SLC22A23: variants seen among roughly 807,000 people sequenced by gnomAD.
SLC22A23 encodes the protein solute carrier family 22 member 23, also known as ion transporter protein.
In SLC22A23, 26 loss-of-function variants were observed where a neutral mutation model predicts 61.0. The ratio of observed to expected loss-of-function variants is 0.43; its 90% CI spans 0.31 to 0.59. SLC22A23 has a LOEUF of 0.59. Among genes scored for constraint, SLC22A23 ranks in the 20% least tolerant of loss-of-function variants. The pLI, the probability that SLC22A23 is intolerant of heterozygous loss-of-function variation, is 0.11. For missense variants in SLC22A23, 796 were observed against 934.7 expected, an observed-to-expected ratio of 0.85 and a Z score of 1.94; for synonymous variants, 430 against 413.9, an observed-to-expected ratio of 1.04 and a Z score of -0.47.
At chr6:3,374,817 G>A (rs530507631) in intron 3 of SLC22A23, among the ~76,000 whole-genome samples, 6 of 152,326 alleles carry the variant, frequency 3.9e-5, no homozygotes, top group African/African-American at 1.4e-4. Flanking sequence ...GGCAGTTTCA[G>A]TGCTAGATCT....
At chr6:3,323,678 A>G in intron 4 of SLC22A23, 156 bp downstream of exon 4, 3 of 859,012 alleles carry the variant, frequency 3.5e-6, no homozygotes, top group Non-Finnish European at 5.3e-6. Context: ...AAGTTTAAAC[A>G]ATAAAATTTT....
At chr6:3,362,982 C>T (rs1328654964) in intron 3 of SLC22A23, among the ~76,000 whole-genome samples, 1 of 152,146 alleles carries the variant, frequency 6.6e-6, no homozygotes, top group Non-Finnish European at 1.5e-5. Flanking sequence ...CTGGACTGCT[C>T]AGAGCCCAAG....
At chr6:3,323,286 T>C (rs752269799) in intron 4 of SLC22A23, 25 of 456,386 alleles carry the variant, frequency 5.5e-5, no homozygotes, top group Non-Finnish European at 8.4e-5. Context: ...CACTCAACTC[T>C]GTGAATAGCC....
intron 9 of SLC22A23, 130 bp from the exon 10 acceptor site, chr6:3,273,542 G>A (rs528607206): frequency 7.9e-6 from 7 of 886,588 alleles, no homozygotes; most frequent in East Asian, 2.6e-5. Context: ...AGTATACCCC[G>A]ACCTCACACG....
chr6:3,274,458 C>G (rs111457873), intron 9 of SLC22A23, among the ~76,000 whole-genome samples: 36 of 152,284 alleles, frequency 2.4e-4, no homozygotes, highest in African/African-American at 8.4e-4. Flanking sequence ...TTTGGGGAAG[C>G]TTTCTAATGG....
At chr6:3,380,628 AACTC>A (rs1357227995) in intron 3 of SLC22A23, among the ~76,000 whole-genome samples, 1 of 150,794 alleles carries the variant, frequency 6.6e-6, no homozygotes, top group African/African-American at 2.5e-5. Flanking sequence ...TGCTAGTACT[AACTC>A]ACATTAAGTT....
Position 3,329,371 on chromosome 6 carries a change from A to G in SLC22A23, c.914-5369T>C, listed in dbSNP as rs993123473. The stretch of plus-strand genomic sequence containing the variant: ...ATGCTTATGACCATAGAGAGAATAT[A>G]CATTTTCTTGGGATTGCTAAGTGCT... On this transcript the variant is annotated intron_variant, in intron 3 of 9. Transcript: ENST00000406686. The surrounding 1 kb of genome is among the most constrained non-coding windows in gnomAD (Gnocchi z 4.8). Among the ~76,000 whole-genome samples the G allele has an allele frequency of 2.6e-5, 4 of 152,268 alleles. No individual in the cohort carries two copies. The highest frequency in any genetic ancestry group is 6.5e-5 in the Admixed American group (1 of 15,288).
intron 3 of SLC22A23, among the ~76,000 whole-genome samples, chr6:3,336,799 CT>C (rs35612904): frequency 0.19 from 25,478 of 131,202 alleles, 1,550 homozygotes; most frequent in African/African-American, 0.3. Flanking sequence ...CTGTAGTAGG[CT>C]TTTTTTTTTT....
chr6:3,336,722 A>G (rs1334416535), intron 3 of SLC22A23, among the ~76,000 whole-genome samples: 1 of 152,084 alleles, frequency 6.6e-6, no homozygotes, highest in East Asian at 1.9e-4. Flanking sequence ...GAAATCAGGC[A>G]CAACTTCCAT....
In SLC22A23 at chr6:3,427,207, T is replaced by A. The variant is rs1196718500; in HGVS notation, c.655-11352A>T. Among the ~76,000 whole-genome samples, 2 of 152,214 alleles carry A rather than the reference T, an allele frequency of 1.3e-5. No individual in the cohort carries two copies. The highest frequency in any genetic ancestry group is 2.9e-5 in the Non-Finnish European group (2 of 68,038). On this transcript the variant is annotated intron_variant, in intron 1 of 9. Coordinates refer to ENST00000406686, the MANE Select transcript of SLC22A23 (RefSeq NM_015482.2). The surrounding 1 kb of genome is among the most constrained non-coding windows in gnomAD (Gnocchi z 4.3). ...CGCAAAACCTTCACCAGAGGGTTGT[T>A]ACAAGAGTCAAAAATAACATCGGGA...
intron 6 of SLC22A23, among the ~76,000 whole-genome samples, chr6:3,288,715 C>T (rs1760286390): frequency 6.6e-6 from 1 of 152,260 alleles, no homozygotes; most frequent in Admixed American, 6.5e-5. Context: ...CGTTCAACTC[C>T]TAACAGTGCC....
At chr6:3,398,208 C>T (rs959968193) in intron 3 of SLC22A23, among the ~76,000 whole-genome samples, 3 of 152,172 alleles carry the variant, frequency 2.0e-5, no homozygotes, top group Non-Finnish European at 4.4e-5. Context: ...AATGTATTTA[C>T]TATTTAAAAC....
chr6:3,382,222 C>G (rs891965957), intron 3 of SLC22A23, among the ~76,000 whole-genome samples: 1 of 152,216 alleles, frequency 6.6e-6, no homozygotes, highest in East Asian at 1.9e-4. Context: ...AGGCTCAAGC[C>G]TCAGATGCTG....
chr6:3,420,816 T>C (rs1770074713), intron 1 of SLC22A23, among the ~76,000 whole-genome samples: 1 of 152,194 alleles, frequency 6.6e-6, no homozygotes, highest in Admixed American at 6.5e-5. Context: ...ATTTCACTAA[T>C]GAAGACGGCC....
At chr6:3,443,268 G>A (rs1771712146) in intron 1 of SLC22A23, among the ~76,000 whole-genome samples, 1 of 152,194 alleles carries the variant, frequency 6.6e-6, no homozygotes, top group Non-Finnish European at 1.5e-5. Flanking sequence ...TTTCCACGGG[G>A]ACCTGCGAAT....
At chr6:3,313,060 A>G (rs1387689092) in intron 4 of SLC22A23, 2 of 151,970 alleles carry the variant, frequency 1.3e-5, no homozygotes, top group African/African-American at 4.8e-5. Flanking sequence ...CTCAGTGCTC[A>G]CTTCCCCCTT....
At chr6:3,363,032 G>A (rs1247619013) in intron 3 of SLC22A23, among the ~76,000 whole-genome samples, 1 of 152,174 alleles carries the variant, frequency 6.6e-6, no homozygotes, top group African/African-American at 2.4e-5. Flanking sequence ...GACCTGCTCA[G>A]CACTCGGTGG....
At position 3,407,601 on chromosome 6, in the gene SLC22A23, G is replaced by A. The variant is rs573199713; in HGVS notation, c.913+2587C>T. Among the ~76,000 whole-genome samples, 10 of 152,212 alleles carry A rather than the reference G, an allele frequency of 6.6e-5. No individual in the cohort carries two copies. The East Asian group carries it at 9.6e-4, about 15-fold the overall frequency. On this transcript the variant is annotated intron_variant, in intron 3 of 9. Transcript: ENST00000406686. ...TTGTTTAAATATCTCAACAAACTCC[G>A]AGTCATCATTCACAGCCCTTTGGTT...
chr6:3,280,182 C>T (rs1032052306), intron 9 of SLC22A23, among the ~76,000 whole-genome samples: 7 of 152,146 alleles, frequency 4.6e-5, no homozygotes, highest in Admixed American at 3.9e-4. Flanking sequence ...GAGCCCAGGC[C>T]CTTTGCACAT....
Sources: gnomAD v4.1 joint callset for allele counts (sites outside exome capture counted in the v4.1 genomes callset) on GRCh38, gnomAD v4.1.1 for gene constraint, Gnocchi (gnomAD v3.1) non-coding constraint, MANE v1.5 for transcripts, NCBI Gene and HGNC (gene_info 2026-07-23, HGNC 2026-07-21) for gene names.